Variants in GPHN observed in about 807,000 individuals in gnomAD.
GPHN encodes gephyrin.
GPHN carries 17 observed loss-of-function variants against 95.5 expected under a neutral mutation model. The ratio of observed to expected loss-of-function variants is 0.18; its 90% CI spans 0.12 to 0.27. The LOEUF (loss-of-function observed/expected upper bound fraction) is 0.27, where lower values mean the gene tolerates loss of function less well. Ranked by LOEUF, GPHN falls within the 10% of genes least tolerant of loss-of-function variation. The pLI is 1.00. For missense variants in GPHN, 660 were observed against 978.1 expected (o/e 0.67, Z 4.34); for synonymous variants, 320 against 322.5 (o/e 0.99, Z 0.08).
chr14:66,575,989 A>G (rs2140412686), intron 1 of GPHN, among the ~76,000 whole-genome samples: 1 of 152,238 alleles, frequency 6.6e-6, no homozygotes, highest in South Asian at 2.1e-4. Flanking sequence ...ATGGGTCCAC[A>G]GGCGTGGTCT....
At chr14:67,417,884 C>G in the GPHN span, among the ~76,000 whole-genome samples, 1 of 152,080 alleles carries the variant, frequency 6.6e-6, no homozygotes, top group Non-Finnish European at 1.5e-5. Flanking sequence ...GCTGGGACTA[C>G]AGGCATGCAC....
chr14:67,054,012 A>G (rs545527990), intron 10 of GPHN, among the ~76,000 whole-genome samples: 3 of 152,354 alleles, frequency 2.0e-5, no homozygotes, highest in Middle Eastern at 3.4e-3. Flanking sequence ...ATCATACTGA[A>G]TGGGAAAAAG....
At chr14:66,604,910 A>G (rs981678222) in intron 1 of GPHN, among the ~76,000 whole-genome samples, 1 of 128,594 alleles carries the variant, frequency 7.8e-6, no homozygotes, top group Admixed American at 1.1e-4. Flanking sequence ...CTTTCTGTCC[A>G]TATGTATTCC....
chr14:67,637,636 A>C, the GPHN span, among the ~76,000 whole-genome samples: 5 of 152,230 alleles, frequency 3.3e-5, no homozygotes, highest in Middle Eastern at 6.8e-3. Context: ...ACCCAATACT[A>C]TTGGCACAGT....
chr14:66,941,208 T>G (rs1472892930), intron 8 of GPHN, among the ~76,000 whole-genome samples: 2 of 152,026 alleles, frequency 1.3e-5, no homozygotes, highest in Non-Finnish European at 2.9e-5. Flanking sequence ...TAATGACAAA[T>G]GTATAAATTG....
chr14:67,200,201 C>T, the GPHN span: 26 of 1,129,016 alleles, frequency 2.3e-5, no homozygotes, highest in East Asian at 6.7e-4. Context: ...CCACTGATGC[C>T]CCCCATGGAT....
chr14:67,110,413 G>A, intron 14 of GPHN, 154 bp downstream of exon 14: 1 of 714,548 alleles, frequency 1.4e-6, no homozygotes, highest in Non-Finnish European at 2.5e-6. Flanking sequence ...TGTAGTATAT[G>A]AGTCTCCAGT....
the GPHN span, among the ~76,000 whole-genome samples, chr14:67,598,172 CAT>C: frequency 5.3e-5 from 8 of 152,176 alleles, no homozygotes; most frequent in African/African-American, 1.2e-4. Context: ...TCATTACTCT[CAT>C]AAACAGTTTT....
chr14:67,318,641 TGTC>T, the GPHN span, among the ~76,000 whole-genome samples: 7,345 of 152,292 alleles, frequency 0.048, 340 homozygotes, highest in African/African-American at 0.12. Context: ...TTTATGATGA[TGTC>T]ATCATCATGA....
the GPHN span, among the ~76,000 whole-genome samples, chr14:67,469,813 C>T: frequency 5.9e-5 from 9 of 152,330 alleles, no homozygotes; most frequent in East Asian, 1.2e-3. Flanking sequence ...AGTGTAACAT[C>T]ACTTTCAAAG....
Position 67,066,636 on chromosome 14 carries a change from CT to C in GPHN, c.1144+7858del, listed in dbSNP as rs1375194189. ...GAGGCTTTGTTCGTTTCTTTTTACT[CT>C]TTTTTTTCTAAACTTGCCTTCTCAC... On this transcript the variant is annotated intron_variant, in intron 11 of 22. Transcript: ENST00000478722. Among the ~76,000 whole-genome samples, 4 of 152,106 alleles carry C rather than the reference CT, an allele frequency of 2.6e-5. No individual in the cohort carries two copies. In the South Asian group the frequency reaches 8.3e-4, roughly 32 times the overall value.
At chr14:67,412,204 TC>T in the GPHN span, 1 of 589,976 alleles carries the variant, frequency 1.7e-6, no homozygotes, top group Non-Finnish European at 2.7e-6. Flanking sequence ...CTGGCGCGTG[TC>T]CAGAGCCTGA....
chr14:66,587,622 A>T (rs2061475274), intron 1 of GPHN, among the ~76,000 whole-genome samples: 1 of 152,212 alleles, frequency 6.6e-6, no homozygotes, highest in African/African-American at 2.4e-5. Context: ...GAAGGACAAA[A>T]ATATGGCTAT....
At chr14:66,976,838 G>A (rs924542463) in intron 9 of GPHN, among the ~76,000 whole-genome samples, 1 of 139,406 alleles carries the variant, frequency 7.2e-6, no homozygotes, top group South Asian at 2.3e-4. Context: ...TAATCCAGTA[G>A]GAAAAAGTAA....
chr14:67,421,733 G>A, the GPHN span, among the ~76,000 whole-genome samples: 1 of 152,186 alleles, frequency 6.6e-6, no homozygotes, highest in Non-Finnish European at 1.5e-5. Flanking sequence ...CGTGGAAACT[G>A]CAGAGGGGCC....
At chr14:66,803,013 C>G (rs2060415782) in intron 3 of GPHN, among the ~76,000 whole-genome samples, 1 of 152,174 alleles carries the variant, frequency 6.6e-6, no homozygotes, top group South Asian at 2.1e-4. Context: ...CTGTTCAGCC[C>G]TAGGACTCAC....
At chr14:67,704,964 A>C in the GPHN span, among the ~76,000 whole-genome samples, 1 of 152,364 alleles carries the variant, frequency 6.6e-6, no homozygotes, top group East Asian at 1.9e-4. Flanking sequence ...GCACATGCAC[A>C]AAGGTTGGAA....
At chr14:67,635,745 C>T in the GPHN span, among the ~76,000 whole-genome samples, 19 of 152,040 alleles carry the variant, frequency 1.2e-4, no homozygotes, top group African/African-American at 3.9e-4. Context: ...ACCAGCTACT[C>T]GGGAAGCTGA....
chr14:67,728,533 C>T, the GPHN span, among the ~76,000 whole-genome samples: 3 of 152,182 alleles, frequency 2.0e-5, no homozygotes, highest in African/African-American at 7.2e-5. Flanking sequence ...AGGCAATTTA[C>T]TTAAACTTTC....
Sources: allele counts gnomAD v4.1 joint callset (sites outside exome capture counted in the v4.1 genomes callset), GRCh38; gene constraint gnomAD v4.1.1; transcripts MANE v1.5; gene names NCBI Gene and HGNC (gene_info 2026-07-23, HGNC 2026-07-21).